The following NUF2 variants were observed in gnomAD, a reference collection of about 807,000 sequenced individuals.
NUF2 encodes the protein NUF2 component of NDC80 kinetochore complex.
Under a neutral mutation model 61.8 loss-of-function variants are expected in NUF2, and 34 were observed. That is an observed-to-expected ratio of 0.55 (90% confidence interval 0.42 to 0.73). The LOEUF is 0.73. Ranked by LOEUF, NUF2 falls within the 30% of genes least tolerant of loss-of-function variation. The pLI is 0.00. For synonymous variants in NUF2, 172 were observed against 181.6 expected (o/e 0.95, Z 0.42); for missense variants, 445 against 539.1 (o/e 0.83, Z 1.73).
At chr1:163,348,531 G>C (rs893571180) in intron 12 of NUF2, among the ~76,000 whole-genome samples, 2 of 152,026 alleles carry the variant, frequency 1.3e-5, no homozygotes, top group Non-Finnish European at 2.9e-5. Context: ...TCCTCTTGCA[G>C]ATGAAAAAGG....
chr1:163,343,980 C>T (rs553821601), intron 10 of NUF2, 110 bp downstream of exon 10: 2 of 558,068 alleles, frequency 3.6e-6, no homozygotes, highest in South Asian at 1.3e-4. Flanking sequence ...TACTTCTCTT[C>T]CTCTTAAACT....
At chr1:163,345,907 C>T in intron 11 of NUF2, 89 bp downstream of exon 11, 1 of 921,988 alleles carries the variant, frequency 1.1e-6, no homozygotes, top group Non-Finnish European at 1.6e-6. Flanking sequence ...GTTATGTTTT[C>T]CTAAAGAAAA....
intron 1 of NUF2, among the ~76,000 whole-genome samples, chr1:163,322,671 C>T (rs1331976531): frequency 6.6e-6 from 1 of 152,160 alleles, no homozygotes; most frequent in East Asian, 1.9e-4. Flanking sequence ...GTGATGTCCA[C>T]AAATAGTTTA....
chr1:163,335,172 T>C, intron 5 of NUF2, among the ~76,000 whole-genome samples: 1 of 152,142 alleles, frequency 6.6e-6, no homozygotes, highest in Non-Finnish European at 1.5e-5. Context: ...CAGGATGGTC[T>C]CAATCTCTTG....
rs1204006847 is a variant in NUF2, at chr1:163,339,236, A to G, written c.510-145A>G. 5.1e-6 allele frequency: 3 copies of G among 590,560 alleles called. No individual in the cohort carries two copies. The Admixed American group carries it at 9.2e-5, about 18-fold the overall frequency. The allele number at this position is 590,560 out of a possible 1,614,324, so 36.6% of individuals were successfully genotyped here. On this transcript the variant is annotated intron_variant, in intron 7 of 13. Transcript: ENST00000271452. ...GCCTGTAGTAGAGGCCAGATCATTCATTTTAAATGATTGCCACATGAAAGG... is the reference window on the plus strand; with the variant it reads ...GCCTGTAGTAGAGGCCAGATCATTCGTTTTAAATGATTGCCACATGAAAGG...
At position 163,336,675 on chromosome 1, in the gene NUF2, T is replaced by G. The variant is rs541211806; in HGVS notation, c.338-76T>G. 40 of 868,338 alleles carry G rather than the reference T, an allele frequency of 4.6e-5. No homozygotes were observed. The East Asian group carries it at 9.7e-4, about 21-fold the overall frequency. The allele number at this position is 868,338 out of a possible 1,614,324, so 53.8% of individuals were successfully genotyped here. ...TATATATTATGAGCAGAATATATAG[T>G]GGAAGAGGATGAATTTTCATTTTCA... On this transcript the variant is annotated intron_variant, in intron 5 of 13. Coordinates refer to ENST00000271452, the MANE Select transcript of NUF2 (RefSeq NM_145697.3).
intron 9 of NUF2, among the ~76,000 whole-genome samples, chr1:163,341,284 A>C (rs998290647): frequency 1.3e-5 from 2 of 151,980 alleles, no homozygotes; most frequent in African/African-American, 4.8e-5. Flanking sequence ...ATCTTGGCTC[A>C]CTGCAACCTC....
At chr1:163,341,306 T>A (rs1022341206) in intron 9 of NUF2, among the ~76,000 whole-genome samples, 2 of 152,040 alleles carry the variant, frequency 1.3e-5, no homozygotes, top group Non-Finnish European at 2.9e-5. Context: ...ACCTCCTGGG[T>A]TCGAGCGATT....
At chr1:163,334,575 A>G (rs942740941) in intron 5 of NUF2, among the ~76,000 whole-genome samples, 3 of 152,166 alleles carry the variant, frequency 2.0e-5, no homozygotes, top group African/African-American at 7.2e-5. Context: ...CAGGAGTTTG[A>G]GACCAGCCTG....
intron 10 of NUF2, 30 bp downstream of exon 10, chr1:163,343,900 G>T: frequency 3.0e-6 from 4 of 1,320,910 alleles, no homozygotes; most frequent in South Asian, 2.0e-5. Context: ...TAATGCTTTT[G>T]TATCTAAAAA....
intron 3 of NUF2, 172 bp from the exon 4 acceptor site, chr1:163,328,056 C>T (rs964369964): frequency 2.6e-5 from 12 of 456,878 alleles, no homozygotes; most frequent in African/African-American, 6.1e-5. Context: ...TTATTAAGCA[C>T]CTACTGTGAA....
At chr1:163,328,194 G>A in intron 3 of NUF2, 34 bp from the exon 4 acceptor site, 2 of 1,375,492 alleles carry the variant, frequency 1.5e-6, no homozygotes, top group Admixed American at 1.8e-5. Context: ...TCTAATCAAT[G>A]TGTAATGTCG....
chr1:163,329,358 C>G (rs1242746716), intron 5 of NUF2, among the ~76,000 whole-genome samples: 1 of 152,090 alleles, frequency 6.6e-6, no homozygotes, highest in Non-Finnish European at 1.5e-5. Flanking sequence ...ATTTATCCAT[C>G]AAGTTACTGT....
chr1:163,354,521 A>C lies in NUF2; in HGVS notation c.1261-814A>C, dbSNP rs551195750. 3.3e-5 allele frequency among the ~76,000 whole-genome samples: 5 copies of C among 152,264 alleles called. No homozygotes were observed. The South Asian group carries it at 1.0e-3, about 32-fold the overall frequency. ...ATTTAAACTAAGGTAAGTAGTAGCC[A>C]AAATTTTAGGCTTAAGAAAAATTTA... On this transcript the variant is annotated intron_variant, in intron 13 of 13. Coordinates refer to ENST00000271452, the MANE Select transcript of NUF2 (RefSeq NM_145697.3).
At chr1:163,325,441 G>A (rs1008401176) in intron 1 of NUF2, among the ~76,000 whole-genome samples, 3 of 152,126 alleles carry the variant, frequency 2.0e-5, no homozygotes, top group African/African-American at 4.8e-5. Flanking sequence ...TAGGAGAAAT[G>A]GTTTTTTGTT....
rs149575845 is a variant in NUF2, at chr1:163,343,845, C to A, written c.782C>A (p.Thr261Lys). ...AATTATAAAGAAAAAATGAAAGATACGGTCCAGAAGCTTAAAAATGCCAGA... is the reference window on the plus strand; with the variant it reads ...AATTATAAAGAAAAAATGAAAGATAAGGTCCAGAAGCTTAAAAATGCCAGA... ...LKNYKEKMKD[T>K]VQKLKNARQE... The change falls in exon 10 of 14, where the codon ACG becomes AAG. Residue 261 changes from threonine to lysine, a missense_variant. Physicochemically the swap from Thr to Lys is moderately conservative, Grantham distance 78. Coordinates refer to ENST00000271452, the MANE Select transcript of NUF2 (RefSeq NM_145697.3). The A allele has an allele frequency of 2.1e-5, 31 of 1,452,296 alleles. No individual in the cohort carries two copies. Among genetic ancestry groups the A allele is most frequent in the African/African-American group, 3.0e-5 (2 of 67,466 alleles). The allele number at this position is 1,452,296 out of a possible 1,614,324, so 90.0% of individuals were successfully genotyped here.
At chr1:163,342,454 G>T (rs182297167) in intron 9 of NUF2, among the ~76,000 whole-genome samples, 3 of 152,210 alleles carry the variant, frequency 2.0e-5, no homozygotes, top group African/African-American at 7.2e-5. Flanking sequence ...AGATAATGTG[G>T]TGGTTTGCAG....
intron 5 of NUF2, among the ~76,000 whole-genome samples, chr1:163,330,799 A>T (rs958462203): frequency 6.6e-6 from 1 of 152,098 alleles, no homozygotes; most frequent in Non-Finnish European, 1.5e-5. Context: ...TGTTAAATTT[A>T]TGCCTAAATC....
chr1:163,328,310 TAA>T lies in NUF2; in HGVS notation c.275+8_275+9del, dbSNP rs778210285. Reference sequence around the variant, plus strand: ...AGCAATTTAGTTACTCATCTGTGAGTAAAGAGTGATTTTATTGTCTTCGTCTA... The same window carrying T: ...AGCAATTTAGTTACTCATCTGTGAGTAGAGTGATTTTATTGTCTTCGTCTA... On this transcript the variant is annotated splice_region_variant and intron_variant, in intron 4 of 13. Coordinates refer to ENST00000271452, the MANE Select transcript of NUF2 (RefSeq NM_145697.3). 4 of 1,550,922 alleles carry T rather than the reference TAA, an allele frequency of 2.6e-6. No individual in the cohort carries two copies. Among genetic ancestry groups the T allele is most frequent in the South Asian group, 2.3e-5 (2 of 87,334 alleles).
Sources: gnomAD v4.1 joint callset for allele counts (sites outside exome capture counted in the v4.1 genomes callset) on GRCh38, gnomAD v4.1.1 for gene constraint, MANE v1.5 for transcripts, NCBI Gene and HGNC (gene_info 2026-07-23, HGNC 2026-07-21) for gene names.